The following PTPRD variants were observed in gnomAD, a reference collection of about 807,000 sequenced individuals.
PTPRD encodes protein tyrosine phosphatase receptor type D.
PTPRD carries 34 observed loss-of-function variants against 214.5 expected under a neutral mutation model. The ratio of observed to expected loss-of-function variants is 0.16; its 90% CI spans 0.12 to 0.21. The LOEUF is 0.21. Among genes scored for constraint, PTPRD ranks in the 10% least tolerant of loss-of-function variants. The pLI is 1.00. For missense variants in PTPRD, 2,545 were observed against 2,398.7 expected (o/e 1.06, Z -1.27); for synonymous variants, 1,128 against 845.7 (o/e 1.33, Z -5.79).
At chr9:8,643,296 C>T (rs1357699640) in intron 12 of PTPRD, among the ~76,000 whole-genome samples, 1 of 151,710 alleles carries the variant, frequency 6.6e-6, no homozygotes, top group Admixed American at 6.6e-5. Context: ...GTTATCATTA[C>T]TCCTATTTTA....
intron 11 of PTPRD, among the ~76,000 whole-genome samples, chr9:8,992,464 C>G (rs1727201744): frequency 6.6e-6 from 1 of 152,044 alleles, no homozygotes; most frequent in Non-Finnish European, 1.5e-5. Context: ...AGGATGGTTG[C>G]TCAGAGGCTC....
chr9:9,303,322 T>C (rs929758611), intron 9 of PTPRD, among the ~76,000 whole-genome samples: 1 of 151,998 alleles, frequency 6.6e-6, no homozygotes, highest in Non-Finnish European at 1.5e-5. Flanking sequence ...ATAAAAGACA[T>C]GAAATTTTAA....
At chr9:10,064,067 T>G (rs1229345627) in intron 3 of PTPRD, among the ~76,000 whole-genome samples, 1 of 151,954 alleles carries the variant, frequency 6.6e-6, no homozygotes, top group Non-Finnish European at 1.5e-5. Flanking sequence ...ATATCCTTCC[T>G]TTGTTCTTCA....
At chr9:8,444,075 C>T (rs1316473690) in intron 34 of PTPRD, among the ~76,000 whole-genome samples, 1 of 152,108 alleles carries the variant, frequency 6.6e-6, no homozygotes, top group Non-Finnish European at 1.5e-5. Flanking sequence ...AATGTGCCTA[C>T]CCTAGGACCC....
At chr9:8,481,446 T>G (rs1181393942) in intron 30 of PTPRD, among the ~76,000 whole-genome samples, 2 of 152,198 alleles carry the variant, frequency 1.3e-5, no homozygotes, top group Non-Finnish European at 2.9e-5. Context: ...AATTATACTA[T>G]TTTAAAACTT....
intron 12 of PTPRD, among the ~76,000 whole-genome samples, chr9:8,709,370 C>T (rs757332357): frequency 9.9e-5 from 15 of 151,794 alleles, no homozygotes; most frequent in Admixed American, 2.0e-4. Flanking sequence ...AAAAAATTAG[C>T]TGTGCCTGGT....
At chr9:9,022,854 G>A (rs643087) in intron 10 of PTPRD, among the ~76,000 whole-genome samples, 124,489 of 151,946 alleles carry the variant, frequency 0.82, 51,803 homozygotes, top group Middle Eastern at 0.87. Context: ...GTAGAGATCA[G>A]CCACAGAAAC....
intron 4 of PTPRD, among the ~76,000 whole-genome samples, chr9:9,945,193 G>T (rs1374544363): frequency 1.3e-5 from 2 of 152,112 alleles, no homozygotes; most frequent in Non-Finnish European, 2.9e-5. Flanking sequence ...GATCCACGTG[G>T]AAGTGTCAGT....
intron 8 of PTPRD, among the ~76,000 whole-genome samples, chr9:9,444,911 C>T (rs1156690367): frequency 2.0e-4 from 31 of 152,106 alleles, no homozygotes; most frequent in Admixed American, 2.0e-3. Flanking sequence ...ACTTTCTGAC[C>T]TATTTTCTCT....
At chr9:9,312,284 G>A (rs867496818) in intron 9 of PTPRD, among the ~76,000 whole-genome samples, 7 of 152,264 alleles carry the variant, frequency 4.6e-5, no homozygotes, top group South Asian at 2.1e-4. Flanking sequence ...ATTGCAACTT[G>A]AGTCTAATTC....
intron 4 of PTPRD, among the ~76,000 whole-genome samples, chr9:9,957,290 T>C (rs2094004655): frequency 6.6e-6 from 1 of 152,012 alleles, no homozygotes; most frequent in Admixed American, 6.6e-5. Flanking sequence ...TTCTGAAAAA[T>C]AAAATCCTGT....
At chr9:8,603,264 G>A (rs1474312927) in intron 14 of PTPRD, among the ~76,000 whole-genome samples, 1 of 152,058 alleles carries the variant, frequency 6.6e-6, no homozygotes, top group Non-Finnish European at 1.5e-5. Flanking sequence ...GAACTACAAG[G>A]CAATTATTAG....
At chr9:9,515,004 A>G (rs1001921385) in intron 8 of PTPRD, among the ~76,000 whole-genome samples, 2 of 152,098 alleles carry the variant, frequency 1.3e-5, no homozygotes, top group African/African-American at 4.8e-5. Context: ...GTCATGAACC[A>G]TTTTATCATT....
At chr9:9,587,731 AT>A (rs1233163734) in intron 7 of PTPRD, among the ~76,000 whole-genome samples, 1 of 151,934 alleles carries the variant, frequency 6.6e-6, no homozygotes, top group East Asian at 1.9e-4. Flanking sequence ...GCTGGAGGTC[AT>A]TAAGTTGAAA....
At chr9:9,850,957 C>T (rs1299394503) in intron 5 of PTPRD, among the ~76,000 whole-genome samples, 1 of 152,110 alleles carries the variant, frequency 6.6e-6, no homozygotes, top group African/African-American at 2.4e-5. Context: ...AACAAAGCTA[C>T]AATGATTATC....
At chr9:8,827,375 G>T (rs1325388618) in intron 11 of PTPRD, among the ~76,000 whole-genome samples, 1 of 152,206 alleles carries the variant, frequency 6.6e-6, no homozygotes, top group African/African-American at 2.4e-5. Flanking sequence ...GGGAGGCCAA[G>T]GTGGGTGGAT....
intron 8 of PTPRD, among the ~76,000 whole-genome samples, chr9:9,536,883 C>G (rs542502894): frequency 6.6e-6 from 1 of 151,968 alleles, no homozygotes; most frequent in Non-Finnish European, 1.5e-5. Context: ...TTTGGCATAT[C>G]CTTTTCAACG....
intron 14 of PTPRD, among the ~76,000 whole-genome samples, chr9:8,582,251 C>T (rs936449019): frequency 2.5e-4 from 38 of 152,204 alleles, no homozygotes; most frequent in African/African-American, 9.2e-4. Flanking sequence ...TAGATCGCCA[C>T]TTTACAACAA....
At chr9:10,031,547 C>T (rs1264792402) in intron 4 of PTPRD, among the ~76,000 whole-genome samples, 1 of 149,838 alleles carries the variant, frequency 6.7e-6, no homozygotes, top group African/African-American at 2.5e-5. Context: ...CTCGGACTGG[C>T]TCTCCTCCTC....
Sources: gnomAD v4.1 joint callset for allele counts (sites outside exome capture counted in the v4.1 genomes callset) on GRCh38, gnomAD v4.1.1 for gene constraint, MANE v1.5 for transcripts, NCBI Gene and HGNC (gene_info 2026-07-23, HGNC 2026-07-21) for gene names.